DPP10: variants seen among roughly 807,000 people sequenced by gnomAD.
DPP10 encodes the protein inactive dipeptidyl peptidase 10.
In DPP10, 33 loss-of-function variants were observed where a neutral mutation model predicts 120.9. That is an observed-to-expected ratio of 0.27 (90% CI 0.21 to 0.37). DPP10 has a LOEUF of 0.37. Among genes scored for constraint, DPP10 ranks in the 10% least tolerant of loss-of-function variants. DPP10 has a pLI of 1.00. For missense variants in DPP10, 816 were observed against 942.8 expected, an observed-to-expected ratio of 0.87 and a Z score of 1.76; for synonymous variants, 337 against 326.1, an observed-to-expected ratio of 1.03 and a Z score of -0.36.
chr2:115,719,366 A>C (rs559681750), intron 7 of DPP10, among the ~76,000 whole-genome samples: 1 of 152,308 alleles, frequency 6.6e-6, no homozygotes, highest in Admixed American at 6.5e-5. Flanking sequence ...AATAATTGCA[A>C]ATGTCAAGGG....
chr2:114,745,514 A>G (rs1678497423), intron 1 of DPP10, among the ~76,000 whole-genome samples: 1 of 152,220 alleles, frequency 6.6e-6, no homozygotes, highest in Non-Finnish European at 1.5e-5. Flanking sequence ...GTGCACAGAG[A>G]GCAAAAAGAA....
intron 1 of DPP10, among the ~76,000 whole-genome samples, chr2:114,914,859 C>T (rs534809339): frequency 1.3e-5 from 2 of 152,294 alleles, no homozygotes; most frequent in African/African-American, 2.4e-5. Flanking sequence ...GGGCCGGGCG[C>T]GGTGGCTCAC....
At chr2:114,875,575 AG>A (rs1276386995) in intron 1 of DPP10, among the ~76,000 whole-genome samples, 1 of 152,140 alleles carries the variant, frequency 6.6e-6, no homozygotes, top group Non-Finnish European at 1.5e-5. Context: ...TTTGAGAAGA[AG>A]AAAAGAAGTA....
intron 1 of DPP10, among the ~76,000 whole-genome samples, chr2:114,640,684 G>A (rs1695642050): frequency 6.6e-6 from 1 of 151,870 alleles, no homozygotes; most frequent in African/African-American, 2.4e-5. Context: ...GGTAGCCCCA[G>A]CTTTGATTGT....
At chr2:114,644,282 C>T (rs1695945456) in intron 1 of DPP10, among the ~76,000 whole-genome samples, 1 of 150,894 alleles carries the variant, frequency 6.6e-6, no homozygotes, top group South Asian at 2.1e-4. Flanking sequence ...GACACAGATT[C>T]TTTTTGCCCA....
At chr2:115,489,632 T>A (rs2075993064) in intron 3 of DPP10, among the ~76,000 whole-genome samples, 1 of 151,664 alleles carries the variant, frequency 6.6e-6, no homozygotes, top group African/African-American at 2.4e-5. Context: ...TTTTTTAAAT[T>A]AAGCTGGTAC....
intron 1 of DPP10, among the ~76,000 whole-genome samples, chr2:114,873,580 C>T (rs968964586): frequency 2.0e-5 from 3 of 152,098 alleles, no homozygotes; most frequent in South Asian, 2.1e-4. Flanking sequence ...GTCATGGCTG[C>T]GTGGCTTTCT....
intron 1 of DPP10, among the ~76,000 whole-genome samples, chr2:114,786,495 C>T (rs1682780967): frequency 6.6e-6 from 1 of 152,106 alleles, no homozygotes; most frequent in East Asian, 1.9e-4. Flanking sequence ...AGAATTACAG[C>T]AATACTGAAG....
At position 114,788,655 on chromosome 2, in the gene DPP10, A is replaced by G. The variant is rs190986690; in HGVS notation, c.60+345817A>G. 6.6e-5 allele frequency among the ~76,000 whole-genome samples: 10 copies of G among 152,274 alleles called. No homozygotes were observed. In the East Asian group the frequency reaches 1.9e-3, roughly 29 times the overall value. ...GAGAACATGTACATTTCTAATGCAT[A>G]TATTTCCAAATTTATCTTAAACTTG... On this transcript the variant is annotated intron_variant, in intron 1 of 25. Coordinates refer to ENST00000410059, the MANE Select transcript of DPP10 (RefSeq NM_020868.6).
chr2:115,797,700 T>G (rs924383522), intron 19 of DPP10, among the ~76,000 whole-genome samples: 3 of 151,946 alleles, frequency 2.0e-5, no homozygotes, highest in African/African-American at 7.2e-5. Context: ...GAGAAGGTGA[T>G]CATTTGTTTC....
At chr2:114,531,983 G>A (rs1686028891) in intron 1 of DPP10, among the ~76,000 whole-genome samples, 1 of 151,888 alleles carries the variant, frequency 6.6e-6, no homozygotes, top group Non-Finnish European at 1.5e-5. Context: ...CTAATCCACT[G>A]AGGGGCGAAA....
chr2:115,757,701 T>C (rs1192378617), intron 11 of DPP10, among the ~76,000 whole-genome samples: 3 of 151,902 alleles, frequency 2.0e-5, no homozygotes, highest in Non-Finnish European at 4.4e-5. Flanking sequence ...GCAATATAAA[T>C]AGAGGATAGT....
chr2:114,844,110 A>G (rs897200827), intron 1 of DPP10, among the ~76,000 whole-genome samples: 3 of 151,804 alleles, frequency 2.0e-5, no homozygotes, highest in Non-Finnish European at 4.4e-5. Flanking sequence ...TTTGTCCTCC[A>G]TTTCTTCCCT....
intron 5 of DPP10, among the ~76,000 whole-genome samples, chr2:115,613,624 A>G (rs904370850): frequency 1.3e-5 from 2 of 152,152 alleles, no homozygotes; most frequent in East Asian, 1.9e-4. Context: ...ACAAGCCTCC[A>G]TCTTCAGCAA....
At chr2:115,742,700 G>C (rs1461847515) in intron 9 of DPP10, among the ~76,000 whole-genome samples, 1 of 151,960 alleles carries the variant, frequency 6.6e-6, no homozygotes, top group Non-Finnish European at 1.5e-5. Flanking sequence ...TGTTTTGTTA[G>C]TTTTTGCTGT....
At chr2:115,719,513 C>T (rs1301348008) in intron 7 of DPP10, among the ~76,000 whole-genome samples, 3 of 152,148 alleles carry the variant, frequency 2.0e-5, no homozygotes, top group African/African-American at 7.2e-5. Flanking sequence ...TTATAACCAA[C>T]AGAGAGATTT....
intron 21 of DPP10, among the ~76,000 whole-genome samples, chr2:115,832,335 C>A (rs981045708): frequency 6.6e-6 from 1 of 152,026 alleles, no homozygotes; most frequent in Non-Finnish European, 1.5e-5. Context: ...CAAATAAATA[C>A]AAAAATTAGC....
rs576225303 is a variant in DPP10 at position 115,419,253 on chromosome 2, A to T, written c.271+75341A>T. ...AGAGAGGAATCCAGGCAAGAGACAT[A>T]CATTCTTGGATTCATCAGAACACAG... On this transcript the variant is annotated intron_variant, in intron 3 of 25. Transcript: ENST00000410059. Among the ~76,000 whole-genome samples the T allele has an allele frequency of 2.0e-5, 3 of 152,322 alleles. No homozygotes were observed. In the South Asian group the frequency reaches 6.2e-4, roughly 32 times the overall value.
At chr2:115,065,855 A>C (rs1474103440) in intron 1 of DPP10, among the ~76,000 whole-genome samples, 4 of 152,188 alleles carry the variant, frequency 2.6e-5, no homozygotes, top group Non-Finnish European at 5.9e-5. Flanking sequence ...CACGCATGCC[A>C]AAAGAAAAAA....
Sources: gnomAD v4.1 joint callset for allele counts (sites outside exome capture counted in the v4.1 genomes callset) on GRCh38, gnomAD v4.1.1 for gene constraint, MANE v1.5 for transcripts, NCBI Gene and HGNC (gene_info 2026-07-23, HGNC 2026-07-21) for gene names.